Variants in ATP2B2 observed in about 807,000 individuals in gnomAD.
ATP2B2 encodes the protein ATPase plasma membrane Ca2+ transporting 2, also known as plasma membrane calcium-transporting ATPase 2.
In ATP2B2, 15 loss-of-function variants were observed where a neutral mutation model predicts 120.0. The observed-to-expected ratio is 0.12, with a 90% CI of 0.08 to 0.19. ATP2B2 has a LOEUF of 0.19. Among genes scored for constraint, ATP2B2 ranks in the 10% least tolerant of loss-of-function variants. ATP2B2 has a pLI of 1.00. For synonymous variants in ATP2B2, 694 were observed against 700.3 expected (o/e 0.99, Z 0.14); for missense variants, 1,045 against 1,719.8 (o/e 0.61, Z 6.94).
rs561834158 is a variant in ATP2B2, at chr3:10,578,496, G to A, written c.-415+41421C>T. The stretch of plus-strand genomic sequence containing the variant: ...CAGGAGGTGGAGGTTGCAGTTAGCC[G>A]AGATCTCGCCACTGCACTCCAGCCT... On this transcript the variant is annotated intron_variant, in intron 2 of 21. Coordinates refer to the ATP2B2 transcript ENST00000646379. 1.2e-4 allele frequency among the ~76,000 whole-genome samples: 18 copies of A among 151,348 alleles called. 1 individual carries two copies. The highest frequency in any genetic ancestry group is 2.4e-4 in the Non-Finnish European group (16 of 67,878).
chr3:10,337,113 T>C (rs2060138369), intron 22 of ATP2B2, among the ~76,000 whole-genome samples: 2 of 152,092 alleles, frequency 1.3e-5, no homozygotes, highest in African/African-American at 4.8e-5. Context: ...GCCAGCTCAG[T>C]AGAAGGGGCC....
At chr3:10,345,670 A>G (rs2060410426) in intron 17 of ATP2B2, 95 bp from the exon 18 acceptor site, 1 of 1,237,164 alleles carries the variant, frequency 8.1e-7, no homozygotes, top group African/African-American at 1.5e-5. Context: ...CCTCAGTCCT[A>G]CACAACTCCC....
chr3:10,506,644 C>G (rs979176193), upstream of ATP2B2, among the ~76,000 whole-genome samples: 2 of 151,786 alleles, frequency 1.3e-5, no homozygotes, highest in African/African-American at 4.8e-5. Context: ...CCTGCCCCCT[C>G]CAGGAGGGGT....
rs73131269 is a variant in ATP2B2, at chr3:10,388,549, G to A, written c.782-147C>T. The A allele has an allele frequency of 5.7e-4, 695 of 1,221,940 alleles. 4 individuals carry two copies. In the African/African-American group the frequency reaches 9.0e-3, roughly 16 times the overall value. The allele number at this position is 1,221,940 out of a possible 1,614,324, so 75.7% of individuals were successfully genotyped here. A position where few individuals can be genotyped will look rare whatever the true frequency, so the allele number is the denominator to read the frequency against. ...CCTATGGTTAAGATTCACACTGTGT[G>A]TGTGGTGGGCTCTTTCAAGATGCTT... On this transcript the variant is annotated intron_variant, in intron 5 of 22. Transcript: ENST00000360273.
chr3:10,504,366 G>A (rs564348974), intron 1 of ATP2B2, among the ~76,000 whole-genome samples: 18 of 152,284 alleles, frequency 1.2e-4, no homozygotes, highest in African/African-American at 3.6e-4. Flanking sequence ...CCAGCGATTC[G>A]GAGAGCAATG....
intron 1 of ATP2B2, among the ~76,000 whole-genome samples, chr3:10,668,925 C>G (rs557298633): frequency 6.6e-6 from 1 of 152,316 alleles, no homozygotes; most frequent in Non-Finnish European, 1.5e-5. Context: ...TCACACAACC[C>G]GAGGAGAGCC....
At chr3:10,403,214 A>G (rs1046694066) in intron 3 of ATP2B2, among the ~76,000 whole-genome samples, 4 of 152,194 alleles carry the variant, frequency 2.6e-5, no homozygotes, top group Non-Finnish European at 5.9e-5. Context: ...AGCTCAGCAC[A>G]CAGGAGGTTC....
intron 1 of ATP2B2, among the ~76,000 whole-genome samples, chr3:10,696,596 C>T (rs375498672): frequency 5.3e-5 from 8 of 152,236 alleles, no homozygotes; most frequent in South Asian, 2.1e-4. Context: ...TCCTTCCATC[C>T]CCTGCCCTGC....
chr3:10,505,628 C>CCGG (rs909420984), upstream of ATP2B2: 19 of 145,952 alleles, frequency 1.3e-4, no homozygotes, highest in African/African-American at 4.1e-4. Flanking sequence ...GGCGGAGGCG[C>CCGG]CGGCGCCGGT....
intron 1 of ATP2B2, among the ~76,000 whole-genome samples, chr3:10,679,502 G>A (rs1241768366): frequency 1.3e-5 from 2 of 152,170 alleles, no homozygotes; most frequent in Non-Finnish European, 2.9e-5. Context: ...TGGGATCCCT[G>A]AATAGGCTTG....
intron 1 of ATP2B2, among the ~76,000 whole-genome samples, chr3:10,664,597 G>C (rs1035915876): frequency 6.6e-6 from 1 of 152,148 alleles, no homozygotes; most frequent in Non-Finnish European, 1.5e-5. Flanking sequence ...AAGGTTTGTT[G>C]GGACTTAGGA....
intron 1 of ATP2B2, among the ~76,000 whole-genome samples, chr3:10,470,234 G>A (rs1051230076): frequency 1.3e-5 from 2 of 152,248 alleles, no homozygotes; most frequent in Non-Finnish European, 2.9e-5. Flanking sequence ...TTCAGGACCC[G>A]GGGCTATGCA....
intron 1 of ATP2B2, among the ~76,000 whole-genome samples, chr3:10,673,891 CAT>C (rs2071181434): frequency 7.2e-6 from 1 of 138,736 alleles, no homozygotes; most frequent in Non-Finnish European, 1.6e-5. Flanking sequence ...GTGAAAAAAA[CAT>C]ATGAAAGAGA....
intron 1 of ATP2B2, among the ~76,000 whole-genome samples, chr3:10,687,735 C>A (rs1341978695): frequency 1.3e-5 from 2 of 152,068 alleles, no homozygotes; most frequent in Non-Finnish European, 2.9e-5. Context: ...GTGGTGCACA[C>A]TTGTAATCCC....
At chr3:10,676,092 T>C (rs1445487829) in intron 1 of ATP2B2, among the ~76,000 whole-genome samples, 13 of 152,190 alleles carry the variant, frequency 8.5e-5, no homozygotes, top group Admixed American at 8.5e-4. Context: ...GTATTGTCTT[T>C]ATGGTGCATT....
chr3:10,435,134 C>T (rs868817547), intron 2 of ATP2B2, among the ~76,000 whole-genome samples: 14 of 152,334 alleles, frequency 9.2e-5, no homozygotes, highest in South Asian at 6.2e-4. Flanking sequence ...GCCTCGGTTT[C>T]CTCACATGCA....
intron 5 of ATP2B2, 33 bp downstream of exon 5, chr3:10,400,920 C>G: frequency 1.2e-6 from 2 of 1,613,272 alleles, no homozygotes; most frequent in Non-Finnish European, 1.7e-6. Flanking sequence ...TGCATGGCGA[C>G]GGGAATGGGC....
intron 2 of ATP2B2, among the ~76,000 whole-genome samples, chr3:10,424,177 C>T (rs2063077077): frequency 6.6e-6 from 1 of 152,198 alleles, no homozygotes. Flanking sequence ...CATTTCCATT[C>T]TCCTGGCCAT....
chr3:10,646,367 G>A (rs556384543), intron 1 of ATP2B2, among the ~76,000 whole-genome samples: 9 of 152,022 alleles, frequency 5.9e-5, no homozygotes, highest in Admixed American at 1.3e-4. Context: ...ATCCCAAACC[G>A]TCTCATCCTG....
Sources: allele counts gnomAD v4.1 joint callset (sites outside exome capture counted in the v4.1 genomes callset), GRCh38; gene constraint gnomAD v4.1.1; transcripts MANE v1.5; gene names NCBI Gene and HGNC (gene_info 2026-07-23, HGNC 2026-07-21).